LY9: variants seen among roughly 807,000 people sequenced by gnomAD.
The protein encoded by LY9 is lymphocyte antigen 9, also known as T-lymphocyte surface antigen Ly-9.
LY9 carries 59 observed loss-of-function variants against 64.6 expected under a neutral mutation model. That is an observed-to-expected ratio of 0.91 (90% CI 0.74 to 1.13). The LOEUF is 1.13. Ranked by LOEUF, LY9 falls within the 50% of genes most tolerant of loss-of-function variation. The pLI, the probability that LY9 is intolerant of heterozygous loss-of-function variation, is 0.00. For missense variants in LY9, 789 were observed against 797.2 expected (o/e 0.99, Z 0.12); for synonymous variants, 281 against 308.5 (o/e 0.91, Z 0.93).
chr1:160,813,548 A>T (rs903493596), intron 2 of LY9, 88 bp from the exon 3 acceptor site: 18 of 1,362,952 alleles, frequency 1.3e-5, no homozygotes, highest in Non-Finnish European at 1.8e-5. Flanking sequence ...TGCTGCCCCC[A>T]ACTCCCCTAT....
At chr1:160,808,460 G>A (rs1388410572) in intron 2 of LY9, among the ~76,000 whole-genome samples, 1 of 152,200 alleles carries the variant, frequency 6.6e-6, no homozygotes, top group South Asian at 2.1e-4. Flanking sequence ...CCTCCCTGGA[G>A]CAGTTCCGCC....
chr1:160,824,562 CCCTAAT>C, intron 9 of LY9: 1 of 984,846 alleles, frequency 1.0e-6, no homozygotes, highest in Non-Finnish European at 1.2e-6. Flanking sequence ...CTATCTCTAA[CCCTAAT>C]CCTAATCTAC....
At chr1:160,818,074 G>C (rs1251559970) in intron 5 of LY9, 144 bp from the exon 6 acceptor site, 4 of 632,206 alleles carry the variant, frequency 6.3e-6, no homozygotes, top group Non-Finnish European at 1.1e-5. Context: ...TCGAAAAATG[G>C]TTGTAGAATG....
At chr1:160,797,906 G>A (rs1666050518) in intron 1 of LY9, among the ~76,000 whole-genome samples, 1 of 151,962 alleles carries the variant, frequency 6.6e-6, no homozygotes, top group African/African-American at 2.4e-5. Context: ...GTGGCACATA[G>A]TTGGCAGAAG....
intron 2 of LY9, among the ~76,000 whole-genome samples, chr1:160,805,919 CTTTTTTTTTTT>C (rs60244350): frequency 1.4e-5 from 1 of 72,440 alleles, no homozygotes; most frequent in South Asian, 5.1e-4. Flanking sequence ...CATTCTTTGT[CTTTTTTTTTTT>C]TTTTTTTTTT....
Position 160,818,201 on chromosome 1 carries a change from T to C in LY9, c.1343-17T>C, listed in dbSNP as rs1668105648. 3.9e-6 allele frequency: 6 copies of C among 1,547,956 alleles called. No homozygotes were observed. The highest frequency in any genetic ancestry group is 5.4e-6 in the Non-Finnish European group (6 of 1,120,746). On this transcript the variant is annotated splice_polypyrimidine_tract_variant and intron_variant, in intron 5 of 9. Transcript: ENST00000263285. Reference sequence around the variant, plus strand: ...TTGTCATTATTTGAATTAACATCACTCATTTCCTCCTCAAAGGACCTGAGA... The same window carrying C: ...TTGTCATTATTTGAATTAACATCACCCATTTCCTCCTCAAAGGACCTGAGA...
At chr1:160,802,187 G>A (rs969352114) in intron 2 of LY9, 1,145 of 1,221,838 alleles carry the variant, frequency 9.4e-4, no homozygotes, top group Non-Finnish European at 1.1e-3. Context: ...GTGCCAGTGG[G>A]GTTTGTGCTT....
intron 2 of LY9, chr1:160,811,393 G>A (rs1558093496): frequency 6.6e-6 from 1 of 152,162 alleles, no homozygotes; most frequent in Non-Finnish European, 1.5e-5. Context: ...CAATCTTTGT[G>A]TTCTCTCCAG....
chr1:160,810,701 C>T (rs2101785185), intron 2 of LY9: 1 of 152,254 alleles, frequency 6.6e-6, no homozygotes, highest in African/African-American at 2.4e-5. Flanking sequence ...CACCACATTC[C>T]AACAATACCA....
In LY9 at chr1:160,796,216, ACTGGGCTC is replaced by A; in HGVS notation, c.36_43del (p.Pro13PhefsTer4). The A allele has an allele frequency of 1.2e-6, 2 of 1,614,128 alleles. No individual in the cohort carries two copies. The highest frequency in any genetic ancestry group is 8.5e-7 in the Non-Finnish European group (1 of 1,180,016). Reference sequence around the variant, plus strand: ...GTGGCACCAAAGAGTCACACAGATGACTGGGCTCCTGGGCCTTTCTCCAGTAAGCCACA... The same window carrying A: ...GTGGCACCAAAGAGTCACACAGATGACTGGGCCTTTCTCCAGTAAGCCACA... On this transcript the variant is annotated frameshift_variant, in exon 1 of 10. Coordinates refer to ENST00000263285, the MANE Select transcript of LY9 (RefSeq NM_002348.4). LOFTEE classifies it high-confidence loss of function.
intron 3 of LY9, 108 bp from the exon 4 acceptor site, chr1:160,814,312 G>C (rs1667762590): frequency 1.2e-6 from 1 of 814,790 alleles, no homozygotes; most frequent in Non-Finnish European, 2.0e-6. Context: ...CCAGGAGAAA[G>C]AGGAAGAGGA....
chr1:160,799,435 C>T (rs1301771898), intron 1 of LY9: 2 of 265,868 alleles, frequency 7.5e-6, no homozygotes, highest in African/African-American at 4.5e-5. Context: ...CAGGTATGAG[C>T]ATTTCAATCT....
chr1:160,810,160 TG>T (rs1226514124), intron 2 of LY9: 1 of 152,264 alleles, frequency 6.6e-6, no homozygotes, highest in Non-Finnish European at 1.5e-5. Context: ...ATTATAGGCG[TG>T]AGCCACTGTG....
At chr1:160,817,596 A>G (rs969026919) in intron 5 of LY9, among the ~76,000 whole-genome samples, 2 of 152,232 alleles carry the variant, frequency 1.3e-5, no homozygotes, top group African/African-American at 4.8e-5. Flanking sequence ...AATGCTAAGT[A>G]CTATTCTAGG....
rs748034349 is a variant in LY9 at position 160,824,169 on chromosome 1, G to A, written c.1831-12G>A. 2 of 1,614,076 alleles carry A rather than the reference G, an allele frequency of 1.2e-6. No individual in the cohort carries two copies. The highest frequency in any genetic ancestry group is 2.2e-5 in the East Asian group (1 of 44,882). The stretch of plus-strand genomic sequence containing the variant: ...TGGTCACTAGGGCTCATCTGCTGTT[G>A]GTGTGTTACAGGGAAAGACCCCAGT... On this transcript the variant is annotated splice_polypyrimidine_tract_variant and intron_variant, in intron 8 of 9. Coordinates refer to ENST00000263285, the MANE Select transcript of LY9 (RefSeq NM_002348.4).
intron 9 of LY9, chr1:160,824,477 T>C (rs994989131): frequency 4.1e-6 from 4 of 985,082 alleles, no homozygotes; most frequent in Non-Finnish European, 4.8e-6. Flanking sequence ...ATATCTTATG[T>C]TGGTTATTTT....
chr1:160,815,512 A>G (rs1571027900), intron 4 of LY9, among the ~76,000 whole-genome samples: 1 of 152,238 alleles, frequency 6.6e-6, no homozygotes, highest in African/African-American at 2.4e-5. Flanking sequence ...TCAGCCTCCC[A>G]AGTAGCTGGG....
chr1:160,819,453 C>A lies in LY9; in HGVS notation c.1498+79C>A, dbSNP rs1052727665. The stretch of plus-strand genomic sequence containing the variant: ...AAAGTCTTGCTGCTCAAAGTGTGGT[C>A]TGCTGGCCAGCAGTGTGGGCATCAC... On this transcript the variant is annotated intron_variant, in intron 7 of 9. Coordinates refer to ENST00000263285, the MANE Select transcript of LY9 (RefSeq NM_002348.4). 9 of 1,292,178 alleles carry A rather than the reference C, an allele frequency of 7.0e-6. No homozygotes were observed. The South Asian group carries it at 9.5e-5, about 14-fold the overall frequency. The allele number at this position is 1,292,178 out of a possible 1,614,324, so 80.0% of individuals were successfully genotyped here.
chr1:160,813,990 G>A lies in LY9; in HGVS notation c.730+79G>A, dbSNP rs541358587. On this transcript the variant is annotated intron_variant, in intron 3 of 9. Coordinates refer to ENST00000263285, the MANE Select transcript of LY9 (RefSeq NM_002348.4). ...TGTGGAGTCTAAACCCTAGGATCCT[G>A]GTCAGACACACAGGGGGTGGGGAAG... is the stretch of plus-strand genomic sequence containing the variant. 3.8e-5 allele frequency: 55 copies of A among 1,450,574 alleles called. No homozygotes were observed. In the African/African-American group the frequency reaches 6.5e-4, roughly 17 times the overall value. The allele number at this position is 1,450,574 out of a possible 1,614,324, so 89.9% of individuals were successfully genotyped here. A position where few individuals can be genotyped will look rare whatever the true frequency, so the allele number is the denominator to read the frequency against.
Sources: gnomAD v4.1 joint callset for allele counts (sites outside exome capture counted in the v4.1 genomes callset) on GRCh38, gnomAD v4.1.1 for gene constraint, MANE v1.5 for transcripts, NCBI Gene and HGNC (gene_info 2026-07-23, HGNC 2026-07-21) for gene names.